Variants in PDZRN4 observed in about 807,000 individuals in gnomAD.
PDZRN4 encodes PDZ domain-containing RING finger protein 4.
A neutral mutation model predicts 99.0 loss-of-function variants in PDZRN4; 70 were observed. The ratio of observed to expected loss-of-function variants is 0.71; its 90% CI spans 0.58 to 0.86. PDZRN4 has a LOEUF of 0.86. Ranked by LOEUF, PDZRN4 falls within the 40% of genes least tolerant of loss-of-function variation. The probability of loss-of-function intolerance (pLI) is 0.00; values close to 1 mark genes in which losing one functional copy is unlikely to be tolerated. For synonymous variants in PDZRN4, 551 were observed against 501.6 expected (o/e 1.10, Z -1.32); for missense variants, 1,474 against 1,331.2 (o/e 1.11, Z -1.67).
intron 3 of PDZRN4, among the ~76,000 whole-genome samples, chr12:41,415,850 A>G (rs561692122): frequency 7.2e-5 from 11 of 152,286 alleles, no homozygotes; most frequent in African/African-American, 2.6e-4. Context: ...TTAGATAATC[A>G]AGATCTTGAC....
intron 3 of PDZRN4, among the ~76,000 whole-genome samples, chr12:41,270,057 A>G (rs1359205243): frequency 6.6e-6 from 1 of 152,168 alleles, no homozygotes; most frequent in Non-Finnish European, 1.5e-5. Context: ...GGACTGAGTT[A>G]GTAGTCATAT....
At chr12:41,406,289 G>C (rs568616186) in intron 3 of PDZRN4, among the ~76,000 whole-genome samples, 7 of 151,690 alleles carry the variant, frequency 4.6e-5, no homozygotes, top group African/African-American at 1.4e-4. Context: ...GAGAAGAAAA[G>C]AAAATGAGGA....
At chr12:41,546,720 GA>G (rs879322486) in intron 5 of PDZRN4, among the ~76,000 whole-genome samples, 1 of 152,200 alleles carries the variant, frequency 6.6e-6, no homozygotes, top group Non-Finnish European at 1.5e-5. Context: ...GAGCCTGAGG[GA>G]ATTATTGACA....
At chr12:41,256,921 A>G (rs961266445) in intron 3 of PDZRN4, among the ~76,000 whole-genome samples, 1 of 152,178 alleles carries the variant, frequency 6.6e-6, no homozygotes, top group Non-Finnish European at 1.5e-5. Context: ...ACGTATCACC[A>G]TATTTCATTG....
intron 3 of PDZRN4, among the ~76,000 whole-genome samples, chr12:41,484,366 A>G (rs529823587): frequency 6.6e-6 from 1 of 152,306 alleles, no homozygotes; most frequent in Non-Finnish European, 1.5e-5. Context: ...CTAACTTGAT[A>G]TTGTTAACCT....
intron 5 of PDZRN4, among the ~76,000 whole-genome samples, chr12:41,539,134 T>G (rs1237930349): frequency 6.6e-6 from 1 of 151,940 alleles, no homozygotes; most frequent in East Asian, 1.9e-4. Flanking sequence ...AATATATATA[T>G]TTTGTGGGAG....
intron 3 of PDZRN4, among the ~76,000 whole-genome samples, chr12:41,395,777 G>A (rs1952241878): frequency 6.6e-6 from 1 of 152,038 alleles, no homozygotes; most frequent in African/African-American, 2.4e-5. Context: ...TTGGAAGACT[G>A]GACACACATT....
At chr12:41,415,451 G>A (rs1426393767) in intron 3 of PDZRN4, among the ~76,000 whole-genome samples, 1 of 151,230 alleles carries the variant, frequency 6.6e-6, no homozygotes, top group East Asian at 1.9e-4. Context: ...TTTCCTCCTA[G>A]AGTATAGCAG....
intron 3 of PDZRN4, among the ~76,000 whole-genome samples, chr12:41,505,273 T>C (rs1007901788): frequency 1.3e-5 from 2 of 152,106 alleles, no homozygotes; most frequent in Non-Finnish European, 2.9e-5. Context: ...TAGTTAGCTG[T>C]CTAGAGATGG....
intron 5 of PDZRN4, among the ~76,000 whole-genome samples, chr12:41,511,841 G>A (rs1437422749): frequency 6.6e-6 from 1 of 152,150 alleles, no homozygotes; most frequent in Non-Finnish European, 1.5e-5. Context: ...GGCTCATTCA[G>A]TGAAGAGATT....
intron 3 of PDZRN4, among the ~76,000 whole-genome samples, chr12:41,270,638 A>G (rs566856165): frequency 7.9e-5 from 12 of 152,110 alleles, no homozygotes; most frequent in Admixed American, 3.9e-4. Flanking sequence ...TTTTAAACTA[A>G]CTGATTAATC....
chr12:41,328,063 A>G (rs1951721371), intron 3 of PDZRN4, among the ~76,000 whole-genome samples: 1 of 152,172 alleles, frequency 6.6e-6, no homozygotes, highest in Non-Finnish European at 1.5e-5. Flanking sequence ...AACGGTATTT[A>G]ATGGGGCTCA....
At chr12:41,393,401 A>T (rs980330800) in intron 3 of PDZRN4, among the ~76,000 whole-genome samples, 2 of 152,160 alleles carry the variant, frequency 1.3e-5, no homozygotes, top group African/African-American at 2.4e-5. Context: ...GTACATATTT[A>T]AAAAACTGAA....
chr12:41,367,862 T>A (rs1952013195), intron 3 of PDZRN4, among the ~76,000 whole-genome samples: 1 of 152,090 alleles, frequency 6.6e-6, no homozygotes, highest in East Asian at 1.9e-4. Context: ...TGGCGCCATG[T>A]CCAAAAGGCA....
chr12:41,461,836 A>G (rs1231165058), intron 3 of PDZRN4, among the ~76,000 whole-genome samples: 1 of 152,062 alleles, frequency 6.6e-6, no homozygotes, highest in East Asian at 1.9e-4. Flanking sequence ...GATGCTTTAT[A>G]TTTTAATTGA....
chr12:41,247,320 G>C (rs1951139526), intron 3 of PDZRN4, among the ~76,000 whole-genome samples: 1 of 151,952 alleles, frequency 6.6e-6, no homozygotes, highest in African/African-American at 2.4e-5. Flanking sequence ...ATTACCTGAG[G>C]AGCTGCTAGA....
chr12:41,517,138 T>A (rs1299071010), intron 5 of PDZRN4, among the ~76,000 whole-genome samples: 2 of 152,050 alleles, frequency 1.3e-5, no homozygotes, highest in Non-Finnish European at 2.9e-5. Context: ...AAATCTGTCT[T>A]TTGCCTCACT....
chr12:41,408,928 A>C (rs1952370665), intron 3 of PDZRN4, among the ~76,000 whole-genome samples: 1 of 152,076 alleles, frequency 6.6e-6, no homozygotes, highest in African/African-American at 2.4e-5. Context: ...GCTTGCTTGA[A>C]TGAAAAATGA....
intron 3 of PDZRN4, among the ~76,000 whole-genome samples, chr12:41,309,483 C>T (rs1260137789): frequency 6.6e-6 from 1 of 152,140 alleles, no homozygotes. Context: ...TCACTCCACC[C>T]TCACGGCCTA....
Sources: gnomAD v4.1 joint callset for allele counts (sites outside exome capture counted in the v4.1 genomes callset) on GRCh38, gnomAD v4.1.1 for gene constraint, MANE v1.5 for transcripts, NCBI Gene and HGNC (gene_info 2026-07-23, HGNC 2026-07-21) for gene names.